Variants in PTPRC observed in about 807,000 individuals in gnomAD.
PTPRC encodes the protein protein tyrosine phosphatase receptor type C.
Under a neutral mutation model 155.9 loss-of-function variants are expected in PTPRC, and 44 were observed. The ratio of observed to expected loss-of-function variants is 0.28; its 90% CI spans 0.22 to 0.36. PTPRC has a LOEUF of 0.36. Among genes scored for constraint, PTPRC ranks in the 10% least tolerant of loss-of-function variants. PTPRC has a pLI of 1.00. For missense variants in PTPRC, 1,401 were observed against 1,564.6 expected, an observed-to-expected ratio of 0.90 and a Z score of 1.76; for synonymous variants, 525 against 533.1, an observed-to-expected ratio of 0.98 and a Z score of 0.21.
chr1:198,642,383 T>C (rs1365375335), intron 2 of PTPRC, among the ~76,000 whole-genome samples: 2 of 151,566 alleles, frequency 1.3e-5, no homozygotes, highest in African/African-American at 4.8e-5. Context: ...TATCTATCTA[T>C]CTATCTATCT....
Position 198,699,673 on chromosome 1 carries a change from C to T in PTPRC, c.408C>T (p.Leu136=), listed in dbSNP as rs1239293392. Residue 136 remains leucine, a synonymous_variant, in exon 5 of 33, where the codon CTC becomes CTT. Coordinates refer to ENST00000442510, the MANE Select transcript of PTPRC (RefSeq NM_002838.5). ...TFSGSAANAK[L]NPTPGSNAIS... ...GCGGCTCCGCCGCCAATGCAAAACT[C>T]AACCCTACCCCAGGCAGCAATGCTA... 1 of 1,614,194 alleles carries T rather than the reference C, an allele frequency of 6.2e-7. No homozygotes were observed. Among genetic ancestry groups the T allele is most frequent in the Non-Finnish European group, 8.5e-7 (1 of 1,180,044 alleles).
At chr1:198,662,934 A>C (rs1664061893) in intron 2 of PTPRC, among the ~76,000 whole-genome samples, 1 of 152,158 alleles carries the variant, frequency 6.6e-6, no homozygotes, top group South Asian at 2.1e-4. Context: ...AGTTGATGTA[A>C]CTGTGCCATG....
intron 2 of PTPRC, among the ~76,000 whole-genome samples, chr1:198,644,768 C>A (rs1407786860): frequency 6.6e-6 from 1 of 151,768 alleles, no homozygotes; most frequent in African/African-American, 2.4e-5. Flanking sequence ...AACAGACAAT[C>A]AGCAAAATTA....
intron 16 of PTPRC, among the ~76,000 whole-genome samples, 157 bp from the exon 17 acceptor site, chr1:198,728,980 C>CT (rs1310339835): frequency 2.0e-5 from 3 of 152,022 alleles, no homozygotes; most frequent in Non-Finnish European, 4.4e-5. Flanking sequence ...CTCTTCCTCC[C>CT]TTCCCTCCTT....
intron 2 of PTPRC, among the ~76,000 whole-genome samples, chr1:198,648,455 G>A (rs949605980): frequency 2.0e-5 from 3 of 151,672 alleles, no homozygotes; most frequent in Non-Finnish European, 2.9e-5. Context: ...TTTCCACTCG[G>A]TTACTCAATC....
intron 2 of PTPRC, among the ~76,000 whole-genome samples, chr1:198,681,116 A>T (rs942578026): frequency 6.6e-6 from 1 of 152,174 alleles, no homozygotes; most frequent in African/African-American, 2.4e-5. Flanking sequence ...GTACAAAGGG[A>T]TGAAGAGCTG....
chr1:198,749,628 G>T, intron 28 of PTPRC, 79 bp downstream of exon 28: 1 of 1,404,456 alleles, frequency 7.1e-7, no homozygotes, highest in South Asian at 1.2e-5. Context: ...TTCATTAAGC[G>T]ATTTTATAAA....
chr1:198,738,408 C>T (rs1654747710), intron 23 of PTPRC, among the ~76,000 whole-genome samples: 1 of 151,748 alleles, frequency 6.6e-6, no homozygotes, highest in Non-Finnish European at 1.5e-5. Flanking sequence ...TTGAAATGAT[C>T]ATGTCTTTTG....
chr1:198,732,156 A>G (rs1355469811), intron 18 of PTPRC, 144 bp from the exon 19 acceptor site: 10 of 704,488 alleles, frequency 1.4e-5, no homozygotes, highest in Non-Finnish European at 2.0e-5. Flanking sequence ...CCTGATCTTA[A>G]TTTTGATTAC....
intron 17 of PTPRC, 80 bp downstream of exon 17, chr1:198,729,251 AT>A: frequency 7.1e-7 from 1 of 1,398,970 alleles, no homozygotes; most frequent in Non-Finnish European, 9.5e-7. Context: ...ATTTATTTAT[AT>A]TTATTTTAAG....
intron 18 of PTPRC, 67 bp from the exon 19 acceptor site, chr1:198,732,233 T>C (rs1449776004): frequency 1.6e-6 from 2 of 1,232,764 alleles, no homozygotes; most frequent in South Asian, 1.2e-5. Flanking sequence ...CTCAAAACGG[T>C]CATTGGTAAG....
In PTPRC at chr1:198,673,509, A is replaced by G. The variant is rs185999211; in HGVS notation, c.74-18838A>G. On this transcript the variant is annotated intron_variant, in intron 2 of 32. Transcript: ENST00000442510. ...GACCTAGTATAACGCATGATACATA[A>G]TAAGTGCTGTGTACATGCTCAGTCA... Among the ~76,000 whole-genome samples the G allele has an allele frequency of 5.3e-5, 8 of 152,314 alleles. 1 individual carries two copies. Among genetic ancestry groups the G allele is most frequent in the African/African-American group, 1.2e-4 (5 of 41,580 alleles).
rs923309805 is a variant in PTPRC, at chr1:198,703,485, G to A, written c.658+113G>A. ...GGCTCCTTTCTTTAAGTTGCATTAA[G>A]TGTTTGAATCCTGAGGGTGATGGAA... On this transcript the variant is annotated intron_variant, in intron 7 of 32. Transcript: ENST00000442510. The A allele has an allele frequency of 1.4e-5, 21 of 1,549,476 alleles. No homozygotes were observed. In the East Asian group the frequency reaches 2.7e-4, roughly 20 times the overall value.
chr1:198,700,784 G>T (rs186458822), intron 5 of PTPRC, among the ~76,000 whole-genome samples: 106 of 152,294 alleles, frequency 7.0e-4, no homozygotes, highest in African/African-American at 2.4e-3. Flanking sequence ...AATCTATTAG[G>T]ATTAATCAAC....
In PTPRC at chr1:198,756,392, T is replaced by A. The variant is rs1268335551; in HGVS notation, c.*211T>A. On this transcript the variant is annotated 3_prime_UTR_variant, in exon 33 of 33. Transcript: ENST00000442510. ...GACGTATGCTTATTTTAAAATTTTA[T>A]CTCTTATTCAGTAAAAAACAACTTC... 7 of 641,290 alleles carry A rather than the reference T, an allele frequency of 1.1e-5. No individual in the cohort carries two copies. Among genetic ancestry groups the A allele is most frequent in the South Asian group, 2.0e-5 (1 of 49,992 alleles). 39.7% of individuals were successfully genotyped at this position (641,290 alleles called of 1,614,324 possible).
chr1:198,689,797 A>G lies in PTPRC; in HGVS notation c.74-2550A>G, dbSNP rs75440759. ...TCTCTTTCTTCTCCTCCTCTTCCTC[A>G]TCTTATTATGTGATTCATGCTGATG... is the stretch of plus-strand genomic sequence containing the variant. On this transcript the variant is annotated intron_variant, in intron 2 of 32. Transcript: ENST00000442510. Among the ~76,000 whole-genome samples, 882 of 152,130 alleles carry G rather than the reference A, an allele frequency of 5.8e-3. 6 individuals are homozygous for G. The highest frequency in any genetic ancestry group is 0.02 in the African/African-American group (832 of 41,504).
intron 15 of PTPRC, among the ~76,000 whole-genome samples, chr1:198,722,916 T>C (rs1320118019): frequency 2.0e-5 from 3 of 151,820 alleles, no homozygotes; most frequent in African/African-American, 7.2e-5. Context: ...AATAACAATA[T>C]ACTTATGTAA....
chr1:198,701,838 T>C (rs2102399563), intron 5 of PTPRC, among the ~76,000 whole-genome samples: 1 of 152,202 alleles, frequency 6.6e-6, no homozygotes, highest in East Asian at 1.9e-4. Flanking sequence ...AAGAAAACCT[T>C]TGAGCTCATG....
intron 2 of PTPRC, among the ~76,000 whole-genome samples, chr1:198,655,018 TG>T (rs1441947155): frequency 2.6e-5 from 4 of 151,976 alleles, no homozygotes; most frequent in Non-Finnish European, 4.4e-5. Flanking sequence ...TGTCTTAGAT[TG>T]CATGGATACA....
Sources: allele counts gnomAD v4.1 joint callset (sites outside exome capture counted in the v4.1 genomes callset), GRCh38; gene constraint gnomAD v4.1.1; transcripts MANE v1.5; gene names NCBI Gene and HGNC (gene_info 2026-07-23, HGNC 2026-07-21).